Variants in ZNF215 observed in about 807,000 individuals in gnomAD.
ZNF215 encodes zinc finger protein 215.
ZNF215 carries 24 observed loss-of-function variants against 27.2 expected under a neutral mutation model. The ratio of observed to expected loss-of-function variants is 0.88; its 90% CI spans 0.64 to 1.24. The LOEUF (loss-of-function observed/expected upper bound fraction) is 1.24. ZNF215 is among the 50% of genes most tolerant of loss of function. The pLI is 0.00. For synonymous variants in ZNF215, 210 were observed against 204.0 expected (o/e 1.03, Z -0.25); for missense variants, 675 against 605.7 (o/e 1.11, Z -1.20).
chr11:6,983,267 T>C (rs1478032623), intron 5 of ZNF215, among the ~76,000 whole-genome samples: 2 of 152,068 alleles, frequency 1.3e-5, no homozygotes, highest in Non-Finnish European at 2.9e-5. Context: ...CAATAATCAA[T>C]AGCTTACCAA....
Position 6,956,332 on chromosome 11 carries a change from A to G in ZNF215, c.1355A>G (p.Asn452Ser). 1 of 1,614,192 alleles carries G rather than the reference A, an allele frequency of 6.2e-7. No homozygotes were observed. The highest frequency in any genetic ancestry group is 8.5e-7 in the Non-Finnish European group (1 of 1,180,014). ...TTCAGTAAAAGTGAAGACAGTAATA[A>G]TCCAACACTCCATTTTGGAAACAAT... Reference protein sequence around the residue: ...KAFSKSEDSNNPTLHFGNNFY... With the variant: ...KAFSKSEDSNSPTLHFGNNFY... Residue 452 changes from asparagine (N) to serine (S), a missense_variant, in exon 7 of 7, where the codon AAT (asparagine) becomes AGT (serine). Asn to Ser is a conservative substitution (Grantham distance 46). Coordinates refer to ENST00000278319, the MANE Select transcript of ZNF215 (RefSeq NM_013250.4).
chr11:6,993,657 A>G (rs1851143856), downstream of ZNF215, among the ~76,000 whole-genome samples: 1 of 152,054 alleles, frequency 6.6e-6, no homozygotes, highest in Admixed American at 6.6e-5. Flanking sequence ...CTATGATTAC[A>G]TTTTCTTCCT....
intron 5 of ZNF215, among the ~76,000 whole-genome samples, chr11:6,978,913 A>C (rs1341209457): frequency 6.6e-6 from 1 of 152,108 alleles, no homozygotes; most frequent in African/African-American, 2.4e-5. Context: ...CAAAAATGAG[A>C]AATGTAAACT....
rs747990921 is a variant in ZNF215 at position 6,957,061 on chromosome 11, C to G, written c.*530C>G. 1.1e-5 allele frequency: 11 copies of G among 985,736 alleles called. No homozygotes were observed. Among genetic ancestry groups the G allele is most frequent in the Non-Finnish European group, 1.1e-5 (9 of 830,274 alleles). 61.1% of individuals were successfully genotyped at this position (985,736 alleles called of 1,614,324 possible). ...CATTTACTCCACTCCTGACAATACCCTTTGTTGTCTTGCTGTTGAATGGAG... is the reference window on the plus strand; with the variant it reads ...CATTTACTCCACTCCTGACAATACCGTTTGTTGTCTTGCTGTTGAATGGAG... On this transcript the variant is annotated 3_prime_UTR_variant, in exon 7 of 7. Transcript: ENST00000278319.
downstream of ZNF215, among the ~76,000 whole-genome samples, chr11:6,959,200 G>C (rs1257957541): frequency 6.6e-6 from 1 of 152,168 alleles, no homozygotes; most frequent in Non-Finnish European, 1.5e-5. Context: ...AATGTTAGGA[G>C]AGATGATAAA....
intron 3 of ZNF215, among the ~76,000 whole-genome samples, chr11:6,933,187 T>C (rs975624957): frequency 3.3e-5 from 5 of 152,064 alleles, no homozygotes; most frequent in African/African-American, 4.8e-5. Flanking sequence ...ATAGATTAGG[T>C]GTTAGAGAAT....
Position 6,932,525 on chromosome 11 carries a change from A to C in ZNF215, c.253A>C (p.Lys85Gln). The C allele has an allele frequency of 6.2e-7, 1 of 1,614,174 alleles. No individual in the cohort carries two copies. Among genetic ancestry groups the C allele is most frequent in the Non-Finnish European group, 8.5e-7 (1 of 1,180,026 alleles). The change falls in exon 3 of 7, where the codon AAG becomes CAG. Residue 85 changes from lysine (K) to glutamine (Q), a missense_variant. Coordinates refer to ENST00000278319, the MANE Select transcript of ZNF215 (RefSeq NM_013250.4). ...QWLRPEIHTK[K>Q]QIIELLVLEQ... is the part of the protein sequence containing the mutation. ...GCTGAGACCAGAGATTCATACAAAGAAGCAGATTATAGAACTGTTGGTGCT... is the reference window on the plus strand; with the variant it reads ...GCTGAGACCAGAGATTCATACAAAGCAGCAGATTATAGAACTGTTGGTGCT...
chr11:6,985,337 C>A (rs1160492272), downstream of ZNF215, among the ~76,000 whole-genome samples: 2 of 152,042 alleles, frequency 1.3e-5, no homozygotes, highest in East Asian at 3.9e-4. Context: ...TTGATAACGT[C>A]CAATGTCCCT....
chr11:6,992,203 A>C (rs1462367057), downstream of ZNF215, among the ~76,000 whole-genome samples: 1 of 152,222 alleles, frequency 6.6e-6, no homozygotes. Flanking sequence ...CCTTAATGCA[A>C]TCACAGGAAT....
intron 6 of ZNF215, among the ~76,000 whole-genome samples, chr11:6,954,886 A>G (rs1345029025): frequency 1.3e-5 from 2 of 152,112 alleles, no homozygotes; most frequent in Non-Finnish European, 2.9e-5. Context: ...GGCTCCATAT[A>G]TGAAATTTAA....
At chr11:6,965,138 G>A (rs1009244212) in intron 5 of ZNF215, among the ~76,000 whole-genome samples, 3 of 152,106 alleles carry the variant, frequency 2.0e-5, no homozygotes, top group African/African-American at 7.2e-5. Flanking sequence ...AGATGCAGAA[G>A]AAATATCTGA....
chr11:6,985,119 C>T (rs1222556318), downstream of ZNF215, among the ~76,000 whole-genome samples: 1 of 152,102 alleles, frequency 6.6e-6, no homozygotes, highest in Non-Finnish European at 1.5e-5. Flanking sequence ...AGACCAATGT[C>T]CCTGATGAAC....
At chr11:6,954,393 G>A (rs1007339638) in intron 6 of ZNF215, among the ~76,000 whole-genome samples, 1 of 152,366 alleles carries the variant, frequency 6.6e-6, no homozygotes, top group African/African-American at 2.4e-5. Context: ...GCTCCACCCA[G>A]TTCAAGCTTC....
chr11:6,984,042 C>G (rs754840978), intron 5 of ZNF215: 18 of 356,680 alleles, frequency 5.0e-5, no homozygotes, highest in Admixed American at 1.5e-4. Flanking sequence ...TTAACATACT[C>G]TCAAACGCTA....
At chr11:6,926,728 G>A (rs543471358) in intron 1 of ZNF215, 43 bp downstream of exon 1, 64 of 152,526 alleles carry the variant, frequency 4.2e-4, no homozygotes, top group African/African-American at 1.4e-3. Context: ...GGTGCTCACG[G>A]GTATCGTTCT....
chr11:6,966,457 A>G (rs1452027213), intron 5 of ZNF215, among the ~76,000 whole-genome samples: 10 of 152,060 alleles, frequency 6.6e-5, no homozygotes, highest in Non-Finnish European at 1.5e-4. Flanking sequence ...ACAAACCTGT[A>G]CATATCCCCC....
At chr11:6,971,940 TTTAAA>T (rs1351374350) in intron 5 of ZNF215, among the ~76,000 whole-genome samples, 3 of 152,102 alleles carry the variant, frequency 2.0e-5, no homozygotes, top group South Asian at 2.1e-4. Context: ...GCTAACAAAT[TTTAAA>T]TTAAAGTCAT....
chr11:6,959,250 A>C (rs953558605), downstream of ZNF215, among the ~76,000 whole-genome samples: 5 of 152,196 alleles, frequency 3.3e-5, no homozygotes, highest in Admixed American at 6.6e-5. Flanking sequence ...GGATGAGGGC[A>C]TGGCAAGTTC....
intron 5 of ZNF215, among the ~76,000 whole-genome samples, chr11:6,973,101 G>A (rs1030380223): frequency 1.1e-4 from 16 of 152,132 alleles, no homozygotes; most frequent in South Asian, 4.2e-4. Flanking sequence ...CTGTCTCCAA[G>A]TGTTCTCATT....
Sources: allele counts gnomAD v4.1 joint callset (sites outside exome capture counted in the v4.1 genomes callset), GRCh38; gene constraint gnomAD v4.1.1; transcripts MANE v1.5; gene names NCBI Gene and HGNC (gene_info 2026-07-23, HGNC 2026-07-21).